TNIP1: variants seen among roughly 807,000 people sequenced by gnomAD.
TNIP1 encodes TNFAIP3 interacting protein 1, also known as TNFAIP3-interacting protein 1.
A neutral mutation model predicts 86.6 loss-of-function variants in TNIP1; 22 were observed. That is an observed-to-expected ratio of 0.25 (90% CI 0.18 to 0.36). The LOEUF (loss-of-function observed/expected upper bound fraction) is 0.36. TNIP1 is among the 10% of genes least tolerant of loss of function. TNIP1 has a pLI of 1.00. For missense variants in TNIP1, 709 were observed against 820.6 expected, an observed-to-expected ratio of 0.86 and a Z score of 1.66; for synonymous variants, 294 against 313.0, an observed-to-expected ratio of 0.94 and a Z score of 0.64.
rs1420563611 is a variant in TNIP1 at position 151,069,236 on chromosome 5, T to C, written c.-36-4105A>G. Among the ~76,000 whole-genome samples the C allele has an allele frequency of 3.3e-5, 5 of 152,240 alleles. No individual in the cohort carries two copies. In the East Asian group the frequency reaches 7.7e-4, roughly 23 times the overall value. The stretch of plus-strand genomic sequence containing the variant: ...GGTATGATAAAGACTACATTCAGAA[T>C]TAAATTTACATTCTAGCTTTTGCTC... On this transcript the variant is annotated intron_variant, in intron 1 of 17. Coordinates refer to ENST00000521591, the MANE Select transcript of TNIP1 (RefSeq NM_006058.5).
intron 11 of TNIP1, 21 bp downstream of exon 11, chr5:151,042,519 G>T: frequency 6.2e-7 from 1 of 1,609,512 alleles, no homozygotes. Context: ...TGACTCTGCA[G>T]GGACCAGCAG....
At chr5:151,032,829 TAAG>T (rs1757076129) in intron 16 of TNIP1, 1 of 192,716 alleles carries the variant, frequency 5.2e-6, no homozygotes, top group Non-Finnish European at 1.1e-5. Flanking sequence ...AGAAGAATGA[TAAG>T]AAGGGAAAAG....
intron 5 of TNIP1, among the ~76,000 whole-genome samples, chr5:151,059,832 T>A (rs865845168): frequency 0.053 from 3,770 of 71,774 alleles, 82 homozygotes; most frequent in African/African-American, 0.14. Context: ...AGAGAGAGTG[T>A]GTGTGTGTGT....
At chr5:151,074,408 T>C (rs764354032) in intron 1 of TNIP1, among the ~76,000 whole-genome samples, 6 of 152,184 alleles carry the variant, frequency 3.9e-5, no homozygotes, top group African/African-American at 1.4e-4. Context: ...ATTCCTCTTA[T>C]ACAAAATATG....
At chr5:151,044,288 T>C (rs553082659) in intron 9 of TNIP1, among the ~76,000 whole-genome samples, 4 of 152,250 alleles carry the variant, frequency 2.6e-5, no homozygotes, top group African/African-American at 9.6e-5. Flanking sequence ...GTAATCTTCC[T>C]GCATCAGCCT....
chr5:151,035,756 G>A (rs1481145249), intron 13 of TNIP1, 49 bp from the exon 14 acceptor site: 2 of 1,607,230 alleles, frequency 1.2e-6, no homozygotes, highest in Admixed American at 1.7e-5. Flanking sequence ...TCCTGAGTGG[G>A]GATTTCTCCT....
upstream of TNIP1, among the ~76,000 whole-genome samples, chr5:151,083,899 CCG>C (rs1055538375): frequency 6.6e-6 from 1 of 152,192 alleles, no homozygotes; most frequent in African/African-American, 2.4e-5. Context: ...TGTGCTATCT[CCG>C]CGCTTTTATT....
intron 1 of TNIP1, among the ~76,000 whole-genome samples, chr5:151,066,298 C>T (rs557894292): frequency 1.3e-5 from 2 of 152,226 alleles, no homozygotes; most frequent in Admixed American, 6.5e-5. Context: ...ACAGTAAGGG[C>T]AGAGGCCCTA....
At chr5:151,039,447 C>T (rs186750391) in intron 11 of TNIP1, among the ~76,000 whole-genome samples, 17 of 152,244 alleles carry the variant, frequency 1.1e-4, no homozygotes, top group Admixed American at 2.6e-4. Context: ...AAAGCAGTAG[C>T]TCAGTTGAGT....
chr5:151,072,242 T>G (rs1762899687), intron 1 of TNIP1, among the ~76,000 whole-genome samples: 1 of 152,206 alleles, frequency 6.6e-6, no homozygotes, highest in Admixed American at 6.5e-5. Flanking sequence ...CCAGACCTAC[T>G]TTCCAGTTCT....
At position 151,042,696 on chromosome 5, in the gene TNIP1, G is replaced by GTC. The variant is rs750599637; in HGVS notation, c.1003-26_1003-25insGA. On this transcript the variant is annotated intron_variant, in intron 10 of 17. Transcript: ENST00000521591. ...TCTGGGTTCAGAGGCAGAGAGGAGT[G>GTC]TGTGAGGCAAGGATGTAGAGCACTT... The GTC allele has an allele frequency of 1.2e-4, 189 of 1,613,378 alleles. 1 individual carries two copies. The highest frequency in any genetic ancestry group is 9.4e-4 in the South Asian group (86 of 91,074).
intron 1 of TNIP1, among the ~76,000 whole-genome samples, chr5:151,070,301 A>G (rs535315833): frequency 5.4e-4 from 82 of 152,372 alleles, no homozygotes; most frequent in African/African-American, 1.8e-3. Context: ...TAATAAGAGT[A>G]TACAGTAACT....
chr5:151,035,187 G>A, intron 14 of TNIP1, 120 bp from the exon 15 acceptor site: 1 of 1,150,328 alleles, frequency 8.7e-7, no homozygotes, highest in Non-Finnish European at 1.3e-6. Context: ...GGGCCACCAT[G>A]CGTGGGCCAG....
chr5:151,052,278 G>T lies in TNIP1; in HGVS notation c.628-19C>A. On this transcript the variant is annotated intron_variant, in intron 6 of 17. Coordinates refer to ENST00000521591, the MANE Select transcript of TNIP1 (RefSeq NM_006058.5). Reference sequence around the variant, plus strand: ...ACAGGGTCTGTGGGGCAGGGGAACAGACAGGGTGAGGGAAAGGAGGGGCCC... The same window carrying T: ...ACAGGGTCTGTGGGGCAGGGGAACATACAGGGTGAGGGAAAGGAGGGGCCC... 2 of 1,608,062 alleles carry T rather than the reference G, an allele frequency of 1.2e-6. No homozygotes were observed. Among genetic ancestry groups the T allele is most frequent in the Non-Finnish European group, 1.7e-6 (2 of 1,176,704 alleles).
At chr5:151,034,719 G>C (rs1324819407) in intron 15 of TNIP1, 1 of 448,854 alleles carries the variant, frequency 2.2e-6, no homozygotes, top group Admixed American at 3.6e-5. Flanking sequence ...GGCATAGAAA[G>C]TTGGATACAT....
At chr5:151,037,060 G>A in intron 12 of TNIP1, 139 bp from the exon 13 acceptor site, 1 of 1,082,004 alleles carries the variant, frequency 9.2e-7, no homozygotes, top group Non-Finnish European at 1.3e-6. Flanking sequence ...TTTAATAAAT[G>A]CTGCCCTATT....
chr5:151,048,242 GGA>G (rs912715600), intron 8 of TNIP1, among the ~76,000 whole-genome samples: 16 of 152,168 alleles, frequency 1.1e-4, no homozygotes, highest in African/African-American at 3.9e-4. Flanking sequence ...CCTCCGCGAG[GGA>G]GAGAGGAGTC....
intron 12 of TNIP1, among the ~76,000 whole-genome samples, chr5:151,037,800 G>A (rs1490346363): frequency 6.6e-6 from 1 of 152,140 alleles, no homozygotes; most frequent in African/African-American, 2.4e-5. Context: ...CTTGGACTCG[G>A]GCTTCCACCT....
intron 1 of TNIP1, among the ~76,000 whole-genome samples, chr5:151,069,087 C>T (rs968403900): frequency 1.3e-5 from 2 of 152,168 alleles, no homozygotes; most frequent in Non-Finnish European, 2.9e-5. Context: ...AACCACAGAC[C>T]GTGAAGATGG....
Sources: allele counts gnomAD v4.1 joint callset (sites outside exome capture counted in the v4.1 genomes callset), GRCh38; gene constraint gnomAD v4.1.1; transcripts MANE v1.5; gene names NCBI Gene and HGNC (gene_info 2026-07-23, HGNC 2026-07-21).